MARK2: variants seen among roughly 807,000 people sequenced by gnomAD.
MARK2 encodes the protein serine/threonine-protein kinase MARK2.
A neutral mutation model predicts 89.8 loss-of-function variants in MARK2; 16 were observed. The ratio of observed to expected loss-of-function variants is 0.18; its 90% CI spans 0.12 to 0.27. The LOEUF (loss-of-function observed/expected upper bound fraction) is 0.27, where lower values mean the gene tolerates loss of function less well. MARK2 is among the 10% of genes least tolerant of loss of function. The pLI is 1.00. For synonymous variants in MARK2, 382 were observed against 399.5 expected, an observed-to-expected ratio of 0.96 and a Z score of 0.52; for missense variants, 621 against 1,049.9, an observed-to-expected ratio of 0.59 and a Z score of 5.65.
chr11:63,904,778 T>C lies in MARK2; in HGVS notation c.1677-8T>C. The stretch of plus-strand genomic sequence containing the variant: ...TCGTCCCCCTCAACCCCACTTCTCT[T>C]CCCACAGCACAGCCCCCCAGCGTGT... On this transcript the variant is annotated splice_region_variant and splice_polypyrimidine_tract_variant and intron_variant, in intron 15 of 18. Transcript: ENST00000402010. The surrounding 1 kb of genome is among the most constrained non-coding windows in gnomAD (Gnocchi z 6.3). The C allele has an allele frequency of 6.2e-7, 1 of 1,612,820 alleles. No individual in the cohort carries two copies. Among genetic ancestry groups the C allele is most frequent in the Non-Finnish European group, 8.5e-7 (1 of 1,179,108 alleles).
intron 1 of MARK2, among the ~76,000 whole-genome samples, chr11:63,858,004 G>C (rs992134772): frequency 1.3e-5 from 2 of 152,092 alleles, no homozygotes; most frequent in African/African-American, 4.8e-5. Flanking sequence ...CATTGTGCCT[G>C]GCTATATTAT....
At chr11:63,879,526 C>G (rs2135284637) in intron 1 of MARK2, among the ~76,000 whole-genome samples, 1 of 151,964 alleles carries the variant, frequency 6.6e-6, no homozygotes, top group East Asian at 2.0e-4. Flanking sequence ...CCAGTAGCAC[C>G]TGAAACAGGA....
chr11:63,863,849 T>A (rs1173726201), intron 1 of MARK2, among the ~76,000 whole-genome samples: 1 of 152,120 alleles, frequency 6.6e-6, no homozygotes, highest in Non-Finnish European at 1.5e-5. Context: ...CATGGCTCAC[T>A]GCAGCCTCAG....
intron 1 of MARK2, among the ~76,000 whole-genome samples, chr11:63,870,725 C>A (rs1938397515): frequency 6.6e-6 from 1 of 152,192 alleles, no homozygotes; most frequent in Admixed American, 6.5e-5. Flanking sequence ...TGGGAAATGT[C>A]CGGAGAGACC....
At chr11:63,860,903 A>G (rs1937725687) in intron 1 of MARK2, among the ~76,000 whole-genome samples, 2 of 152,042 alleles carry the variant, frequency 1.3e-5, no homozygotes, top group African/African-American at 2.4e-5. Context: ...ATTTGCTCAG[A>G]ATCACATCTC....
chr11:63,839,568 G>T lies in MARK2; in HGVS notation c.54+8G>T. On this transcript the variant is annotated splice_region_variant and intron_variant, in intron 1 of 18. Transcript: ENST00000402010. ...GAGAGGGACACGGAGCAGGTAAGGA[G>T]CCCCGAGGGCTCCCCGAATTCTCTG... 4 of 1,523,614 alleles carry T rather than the reference G, an allele frequency of 2.6e-6. No individual in the cohort carries two copies. The highest frequency in any genetic ancestry group is 3.5e-6 in the Non-Finnish European group (4 of 1,130,528). The allele number at this position is 1,523,614 out of a possible 1,614,324, so 94.4% of individuals were successfully genotyped here.
intron 1 of MARK2, among the ~76,000 whole-genome samples, chr11:63,861,288 T>A (rs1453039970): frequency 6.6e-6 from 1 of 151,990 alleles, no homozygotes; most frequent in African/African-American, 2.4e-5. Flanking sequence ...ACAAAAAACG[T>A]AGCCAGGCGT....
chr11:63,851,333 G>C (rs2016562478), intron 1 of MARK2, among the ~76,000 whole-genome samples: 1 of 152,104 alleles, frequency 6.6e-6, no homozygotes, highest in African/African-American at 2.4e-5. Context: ...GAGATGCCAG[G>C]CATAGTGGAG....
intron 1 of MARK2, among the ~76,000 whole-genome samples, chr11:63,881,130 C>T (rs959759776): frequency 2.0e-5 from 3 of 151,254 alleles, no homozygotes; most frequent in African/African-American, 4.9e-5. Flanking sequence ...ATGGTGAAAT[C>T]CCGTCTACTA....
At chr11:63,845,049 C>T (rs1457066185) in intron 1 of MARK2, among the ~76,000 whole-genome samples, 1 of 152,174 alleles carries the variant, frequency 6.6e-6, no homozygotes, top group African/African-American at 2.4e-5. Flanking sequence ...GCTAAATGGA[C>T]TCCCCCCAGC....
chr11:63,898,691 T>C lies in MARK2; in HGVS notation c.403+18T>C. Reference sequence around the variant, plus strand: ...TAGTGGCGGTAGGTGTGGAACTGCCTCTTCCTGTTGTGCCCCCACTTCTTC... The same window carrying C: ...TAGTGGCGGTAGGTGTGGAACTGCCCCTTCCTGTTGTGCCCCCACTTCTTC... On this transcript the variant is annotated intron_variant, in intron 5 of 18. Coordinates refer to ENST00000402010, the MANE Select transcript of MARK2 (RefSeq NM_001039469.3). 6.2e-7 allele frequency: 1 copy of C among 1,612,924 alleles called. No homozygotes were observed.
At chr11:63,854,063 G>A (rs1250395207) in intron 1 of MARK2, among the ~76,000 whole-genome samples, 1 of 149,734 alleles carries the variant, frequency 6.7e-6, no homozygotes, top group Non-Finnish European at 1.5e-5. Context: ...AGTAGAGACA[G>A]GGTTTCGCCA....
At chr11:63,899,804 C>A in intron 7 of MARK2, 70 bp from the exon 8 acceptor site, 1 of 990,964 alleles carries the variant, frequency 1.0e-6, no homozygotes, top group Non-Finnish European at 1.6e-6. Flanking sequence ...CCATTCCCCT[C>A]AGCTCCTTCC....
chr11:63,908,728 C>A, intron 18 of MARK2, 149 bp from the exon 19 acceptor site: 2 of 706,602 alleles, frequency 2.8e-6, no homozygotes, highest in African/African-American at 1.8e-5. Context: ...GGACTGCCAC[C>A]CTCCGCCCCC....
Position 63,902,998 on chromosome 11 carries a change from G to T in MARK2, c.1417-63G>T, listed in dbSNP as rs1429371520. Reference sequence around the variant, plus strand: ...GGAAGCCTGTTCCATGAACCTGGGGGGAGAACCTGGCTGTAGACCACTTTG... The same window carrying T: ...GGAAGCCTGTTCCATGAACCTGGGGTGAGAACCTGGCTGTAGACCACTTTG... On this transcript the variant is annotated intron_variant, in intron 13 of 18. Transcript: ENST00000402010. The surrounding 1 kb of genome is among the most constrained non-coding windows in gnomAD (Gnocchi z 4.2). The T allele has an allele frequency of 1.7e-5, 24 of 1,404,478 alleles. No individual in the cohort carries two copies. The highest frequency in any genetic ancestry group is 2.3e-5 in the Non-Finnish European group (23 of 991,316). The allele number at this position is 1,404,478 out of a possible 1,614,324, so 87.0% of individuals were successfully genotyped here.
intron 1 of MARK2, chr11:63,888,857 G>A (rs1337192276): frequency 4.6e-6 from 6 of 1,317,468 alleles, no homozygotes; most frequent in Non-Finnish European, 6.0e-6. Context: ...CCCGCCCTAG[G>A]CCTGGCTCTT....
At chr11:63,908,329 G>T (rs1941515244) in intron 18 of MARK2, 25 bp downstream of exon 18, 1 of 1,549,878 alleles carries the variant, frequency 6.5e-7, no homozygotes. Flanking sequence ...GCCAGCACTG[G>T]CCCTGCCCGG....
At chr11:63,860,867 A>C (rs55666465) in intron 1 of MARK2, among the ~76,000 whole-genome samples, 2,849 of 152,170 alleles carry the variant, frequency 0.019, 96 homozygotes, top group African/African-American at 0.065. Context: ...CAATGAAAAA[A>C]AAAAACAAAA....
intron 1 of MARK2, among the ~76,000 whole-genome samples, chr11:63,855,291 G>A (rs1239897320): frequency 6.6e-6 from 1 of 152,154 alleles, no homozygotes; most frequent in Non-Finnish European, 1.5e-5. Context: ...AGCTGAGGAG[G>A]GAGGATCGCT....
Sources: allele counts gnomAD v4.1 joint callset (sites outside exome capture counted in the v4.1 genomes callset), GRCh38; gene constraint gnomAD v4.1.1; non-coding constraint Gnocchi (gnomAD v3.1); transcripts MANE v1.5; gene names NCBI Gene and HGNC (gene_info 2026-07-23, HGNC 2026-07-21).